The following WWOX variants were observed in gnomAD, a reference collection of about 807,000 sequenced individuals.
The protein encoded by WWOX is WW domain containing oxidoreductase.
WWOX carries 69 observed loss-of-function variants against 46.2 expected under a neutral mutation model. The observed-to-expected ratio is 1.49, with a 90% CI of 1.23 to 1.82. The LOEUF (loss-of-function observed/expected upper bound fraction) is 1.82. WWOX is among the 40% of genes most tolerant of loss of function. The probability of loss-of-function intolerance (pLI) is 0.00; values close to 1 mark genes in which losing one functional copy is unlikely to be tolerated. For missense variants in WWOX, 919 were observed against 542.6 expected (o/e 1.69, Z -6.89); for synonymous variants, 359 against 202.6 (o/e 1.77, Z -6.56).
chr16:78,928,034 C>G (rs191302095), intron 8 of WWOX, among the ~76,000 whole-genome samples: 1 of 151,656 alleles, frequency 6.6e-6, no homozygotes, highest in Non-Finnish European at 1.5e-5. Context: ...AATGCATAAA[C>G]AAACAAAAAA....
At chr16:79,036,554 A>G (rs964841601) in intron 8 of WWOX, among the ~76,000 whole-genome samples, 1 of 152,142 alleles carries the variant, frequency 6.6e-6, no homozygotes, top group East Asian at 1.9e-4. Flanking sequence ...TGCCTGAATT[A>G]TCGGAGCTCT....
At chr16:79,200,879 G>C (rs1230433227) in intron 8 of WWOX, among the ~76,000 whole-genome samples, 3 of 152,284 alleles carry the variant, frequency 2.0e-5, no homozygotes, top group African/African-American at 7.2e-5. Flanking sequence ...AAAAATGGAG[G>C]TGCAGGCTTC....
intron 8 of WWOX, among the ~76,000 whole-genome samples, chr16:78,593,320 C>A (rs2045395668): frequency 6.6e-6 from 1 of 152,126 alleles, no homozygotes; most frequent in Non-Finnish European, 1.5e-5. Context: ...GGATTATAGG[C>A]TTGAACCACC....
At chr16:78,982,703 C>G (rs1405950326) in intron 8 of WWOX, among the ~76,000 whole-genome samples, 1 of 152,150 alleles carries the variant, frequency 6.6e-6, no homozygotes. Flanking sequence ...AACATGTATG[C>G]TTATTTAGTG....
chr16:78,908,182 A>G (rs147801166), intron 8 of WWOX, among the ~76,000 whole-genome samples: 309 of 152,260 alleles, frequency 2.0e-3, no homozygotes, highest in Admixed American at 3.7e-3. Flanking sequence ...TAATTGCCCA[A>G]CGGGTTCTCC....
chr16:78,775,755 C>G lies in WWOX; in HGVS notation c.1056+343003C>G, dbSNP rs1244421675. 5.3e-5 allele frequency among the ~76,000 whole-genome samples: 8 copies of G among 152,194 alleles called. 1 individual carries two copies. The highest frequency in any genetic ancestry group is 3.9e-4 in the Admixed American group (6 of 15,284). On this transcript the variant is annotated intron_variant, in intron 8 of 8. Transcript: ENST00000566780. ...ATTATAATAATCATTAGCATCATTG[C>G]TAGTGACTTTATTTTTCCTTTAGCC...
At chr16:78,385,160 C>CACACACACACACACACACACACAA (rs1437530466) in intron 5 of WWOX, among the ~76,000 whole-genome samples, 2 of 151,780 alleles carry the variant, frequency 1.3e-5, no homozygotes, top group African/African-American at 4.8e-5. Flanking sequence ...CACACACACA[C>CACACACACACACACACACACACAA]AAAAGCACAG....
chr16:78,344,229 A>C (rs1448155258), intron 5 of WWOX, among the ~76,000 whole-genome samples: 1 of 120,466 alleles, frequency 8.3e-6, no homozygotes, highest in East Asian at 1.9e-4. Flanking sequence ...CAGGATGATG[A>C]ATAAATATGC....
chr16:78,370,802 C>T (rs1941694133), intron 5 of WWOX, among the ~76,000 whole-genome samples: 1 of 82,888 alleles, frequency 1.2e-5, no homozygotes, highest in African/African-American at 4.6e-5. Context: ...GGGGGGGGGG[C>T]AATGCATTCT....
intron 8 of WWOX, among the ~76,000 whole-genome samples, chr16:78,824,011 G>T (rs985309815): frequency 3.3e-5 from 5 of 151,990 alleles, no homozygotes; most frequent in Admixed American, 2.6e-4. Context: ...TGGCCTCAAA[G>T]CAATCCTCCT....
chr16:78,562,194 G>T (rs2044456248), intron 8 of WWOX, among the ~76,000 whole-genome samples: 1 of 152,162 alleles, frequency 6.6e-6, no homozygotes, highest in East Asian at 1.9e-4. Flanking sequence ...TTTCGTGGTG[G>T]AGTGCCTTTT....
At chr16:78,888,789 A>G (rs147712023) in intron 8 of WWOX, among the ~76,000 whole-genome samples, 53 of 150,512 alleles carry the variant, frequency 3.5e-4, no homozygotes, top group African/African-American at 1.2e-3. Context: ...CACTGTTGGT[A>G]CAGTTCTAAG....
chr16:79,001,214 G>T (rs905778), intron 8 of WWOX, among the ~76,000 whole-genome samples: 2 of 152,206 alleles, frequency 1.3e-5, no homozygotes, highest in Admixed American at 6.5e-5. Context: ...CTCGAGGAAC[G>T]GAGGCCGGTT....
intron 8 of WWOX, among the ~76,000 whole-genome samples, chr16:78,851,014 A>G (rs2052429835): frequency 6.6e-6 from 1 of 152,176 alleles, no homozygotes; most frequent in African/African-American, 2.4e-5. Flanking sequence ...GCTCCTAGAG[A>G]TAAATTTTTT....
intron 8 of WWOX, among the ~76,000 whole-genome samples, chr16:78,742,587 T>C (rs1315932505): frequency 6.6e-6 from 1 of 152,164 alleles, no homozygotes; most frequent in East Asian, 1.9e-4. Context: ...CGCACAGCGA[T>C]CCCCAGCGCA....
chr16:78,912,495 A>G (rs75312422), intron 8 of WWOX, among the ~76,000 whole-genome samples: 4,491 of 152,008 alleles, frequency 0.03, 248 homozygotes, highest in East Asian at 0.19. Context: ...TGTCAATTGC[A>G]TTGCTGGTGA....
At chr16:78,570,010 A>G (rs1308267482) in intron 8 of WWOX, among the ~76,000 whole-genome samples, 2 of 152,228 alleles carry the variant, frequency 1.3e-5, no homozygotes, top group Non-Finnish European at 2.9e-5. Flanking sequence ...TGGTTATCGG[A>G]AAGATTAAAA....
intron 8 of WWOX, among the ~76,000 whole-genome samples, chr16:78,856,183 A>G (rs2052561885): frequency 6.6e-6 from 1 of 152,184 alleles, no homozygotes; most frequent in Non-Finnish European, 1.5e-5. Flanking sequence ...TTTGGTGCAT[A>G]AAGGGCCAGA....
intron 8 of WWOX, among the ~76,000 whole-genome samples, chr16:79,120,419 G>A (rs2049605237): frequency 6.6e-6 from 1 of 152,144 alleles, no homozygotes; most frequent in Non-Finnish European, 1.5e-5. Flanking sequence ...CACTTCCACA[G>A]TACCCGAAGT....
Sources: allele counts gnomAD v4.1 joint callset (sites outside exome capture counted in the v4.1 genomes callset), GRCh38; gene constraint gnomAD v4.1.1; transcripts MANE v1.5; gene names NCBI Gene and HGNC (gene_info 2026-07-23, HGNC 2026-07-21).